Variants in BCAR3 observed in about 807,000 individuals in gnomAD.
BCAR3 encodes BCAR3 adaptor protein, NSP family member.
Under a neutral mutation model 80.1 loss-of-function variants are expected in BCAR3, and 37 were observed. That is an observed-to-expected ratio of 0.46 (90% confidence interval 0.36 to 0.61). The LOEUF (loss-of-function observed/expected upper bound fraction) is 0.61, where lower values mean the gene tolerates loss of function less well. Ranked by LOEUF, BCAR3 falls within the 20% of genes least tolerant of loss-of-function variation. The pLI, the probability that BCAR3 is intolerant of heterozygous loss-of-function variation, is 0.00. For synonymous variants in BCAR3, 389 were observed against 418.9 expected (o/e 0.93, Z 0.87); for missense variants, 978 against 1,068.2 (o/e 0.92, Z 1.18).
rs138377080 is a variant in BCAR3 at position 93,839,281 on chromosome 1, C to A, written c.-63+6286G>T. Among the ~76,000 whole-genome samples, 654 of 152,244 alleles carry A rather than the reference C, an allele frequency of 4.3e-3. 1 individual carries two copies. The highest frequency in any genetic ancestry group is 0.015 in the African/African-American group (616 of 41,536). ...CAGCCTGGGCAAAAAGAGTGAAACT[C>A]AGTCTAAAAGAAAATAAAAAGAAAA... On this transcript the variant is annotated intron_variant, in intron 2 of 13. Transcript: ENST00000370244.
At chr1:93,628,532 T>C (rs57038206) in intron 3 of BCAR3, among the ~76,000 whole-genome samples, 5,812 of 152,292 alleles carry the variant, frequency 0.038, 381 homozygotes, top group African/African-American at 0.13. Context: ...CGTTCCTCCA[T>C]GGAAGAGGCG....
chr1:93,705,313 T>C (rs1024941585), intron 3 of BCAR3, among the ~76,000 whole-genome samples: 1 of 152,164 alleles, frequency 6.6e-6, no homozygotes, highest in Non-Finnish European at 1.5e-5. Context: ...TGACTTTGAA[T>C]GTAGGGTGTA....
intron 3 of BCAR3, among the ~76,000 whole-genome samples, chr1:93,692,357 T>C (rs966848172): frequency 6.6e-6 from 1 of 152,200 alleles, no homozygotes; most frequent in Non-Finnish European, 1.5e-5. Flanking sequence ...TCGACAGTAC[T>C]GAGGTTTCCA....
rs1252128598 is a variant in BCAR3, at chr1:93,823,955, C to T, written c.-63+21612G>A. 8.2e-5 allele frequency among the ~76,000 whole-genome samples: 11 copies of T among 133,866 alleles called. 2 individuals carry two copies. Among genetic ancestry groups the T allele is most frequent in the African/African-American group, 2.5e-4 (10 of 39,814 alleles). 87.8% of individuals were successfully genotyped at this position (133,866 alleles called of 152,430 possible). ...CCTCGTGATCCACCCTCCTCGGCCT[C>T]CCAAAGTGCTAGGATTACAGGCATG... On this transcript the variant is annotated intron_variant, in intron 2 of 13. Transcript: ENST00000370244.
At chr1:93,565,785 A>G (rs1672922842) in intron 11 of BCAR3, among the ~76,000 whole-genome samples, 1 of 152,248 alleles carries the variant, frequency 6.6e-6, no homozygotes, top group Non-Finnish European at 1.5e-5. Context: ...CAAACGACTA[A>G]GTCCCACATC....
intron 2 of BCAR3, among the ~76,000 whole-genome samples, chr1:93,807,989 G>A (rs1163454769): frequency 1.3e-5 from 2 of 148,750 alleles, no homozygotes; most frequent in African/African-American, 5.0e-5. Flanking sequence ...AGTGAGCTGA[G>A]ATCACACCAC....
At chr1:93,736,180 GTTTA>G (rs1268474251) in intron 2 of BCAR3, among the ~76,000 whole-genome samples, 1 of 152,072 alleles carries the variant, frequency 6.6e-6, no homozygotes, top group Non-Finnish European at 1.5e-5. Flanking sequence ...GTGATAAGAA[GTTTA>G]TTTATTTATT....
chr1:93,788,786 GT>G (rs1281421036), intron 2 of BCAR3, among the ~76,000 whole-genome samples: 1 of 152,092 alleles, frequency 6.6e-6, no homozygotes, highest in Non-Finnish European at 1.5e-5. Flanking sequence ...TTTGGGCACT[GT>G]TTGGGCATCC....
chr1:93,818,501 G>A (rs779825672), intron 2 of BCAR3, among the ~76,000 whole-genome samples: 46 of 152,198 alleles, frequency 3.0e-4, no homozygotes, highest in Non-Finnish European at 5.3e-4. Flanking sequence ...GAGCGGAAGT[G>A]TCTGGGTTTG....
chr1:93,579,432 G>C (rs1162113573), intron 7 of BCAR3, among the ~76,000 whole-genome samples: 2 of 152,032 alleles, frequency 1.3e-5, no homozygotes, highest in Non-Finnish European at 2.9e-5. Flanking sequence ...TGGGTGGGCA[G>C]AGTCCAGGCT....
chr1:93,834,258 T>C (rs1207519518), intron 2 of BCAR3, among the ~76,000 whole-genome samples: 1 of 152,134 alleles, frequency 6.6e-6, no homozygotes, highest in Non-Finnish European at 1.5e-5. Flanking sequence ...ACCAGACAAG[T>C]CTTACAGGTT....
chr1:93,671,080 C>T (rs1314206389), intron 2 of BCAR3, among the ~76,000 whole-genome samples: 2 of 152,184 alleles, frequency 1.3e-5, no homozygotes, highest in South Asian at 2.1e-4. Flanking sequence ...GCAACCTCCA[C>T]CTCCCAGGTT....
intron 8 of BCAR3, among the ~76,000 whole-genome samples, chr1:93,573,916 A>G (rs982687179): frequency 2.6e-5 from 4 of 152,168 alleles, no homozygotes; most frequent in Non-Finnish European, 5.9e-5. Flanking sequence ...GGCATGAGCC[A>G]CCACGCCCAG....
At chr1:93,730,635 C>T (rs1447286867) in intron 2 of BCAR3, among the ~76,000 whole-genome samples, 1 of 152,214 alleles carries the variant, frequency 6.6e-6, no homozygotes, top group African/African-American at 2.4e-5. Context: ...GTTAGATGCT[C>T]TACTTGAGGT....
rs1397021522 is a variant in BCAR3 at position 93,567,858 on chromosome 1, G to A, written c.1975-7C>T. 2.5e-6 allele frequency: 4 copies of A among 1,607,492 alleles called. No individual in the cohort carries two copies. Among genetic ancestry groups the A allele is most frequent in the Non-Finnish European group, 3.4e-6 (4 of 1,174,022 alleles). ...TCTTTTCTAACCTTGTGATCTGGAA[G>A]AAAGGTGGTGTTTTGGAAAAGGTTC... On this transcript the variant is annotated splice_polypyrimidine_tract_variant and splice_region_variant and intron_variant, in intron 9 of 11. Transcript: ENST00000260502.
chr1:93,737,103 G>A (rs1004579859), intron 2 of BCAR3, among the ~76,000 whole-genome samples: 1 of 152,178 alleles, frequency 6.6e-6, no homozygotes, highest in Non-Finnish European at 1.5e-5. Flanking sequence ...TTTTTAAGTT[G>A]TGGAGTGCTG....
intron 2 of BCAR3, among the ~76,000 whole-genome samples, chr1:93,714,155 G>C (rs1650119196): frequency 6.6e-6 from 1 of 152,094 alleles, no homozygotes; most frequent in Non-Finnish European, 1.5e-5. Context: ...GCTAATTTTT[G>C]TATTTTTAGT....
chr1:93,837,588 T>C (rs1654815261), intron 2 of BCAR3, among the ~76,000 whole-genome samples: 2 of 152,346 alleles, frequency 1.3e-5, no homozygotes, highest in East Asian at 1.9e-4. Context: ...TCATTCCTTC[T>C]CCAGGATCCA....
intron 7 of BCAR3, among the ~76,000 whole-genome samples, chr1:93,579,648 G>A (rs907918616): frequency 2.0e-5 from 3 of 152,136 alleles, no homozygotes; most frequent in African/African-American, 7.2e-5. Flanking sequence ...GCCAAGGGCG[G>A]GCAGGCAGGC....
Sources: gnomAD v4.1 joint callset for allele counts (sites outside exome capture counted in the v4.1 genomes callset) on GRCh38, gnomAD v4.1.1 for gene constraint, MANE v1.5 for transcripts, NCBI Gene and HGNC (gene_info 2026-07-23, HGNC 2026-07-21) for gene names.